SLC35E2B: variants seen among roughly 807,000 people sequenced by gnomAD.
SLC35E2B encodes solute carrier family 35, member E2B.
A neutral mutation model predicts 32.4 loss-of-function variants in SLC35E2B; 18 were observed. The observed-to-expected ratio is 0.56, with a 90% CI of 0.38 to 0.82. The LOEUF is 0.82. Ranked by LOEUF, SLC35E2B falls within the 40% of genes least tolerant of loss-of-function variation. The pLI is 0.00. For synonymous variants in SLC35E2B, 132 were observed against 209.1 expected, an observed-to-expected ratio of 0.63 and a Z score of 3.18; for missense variants, 263 against 469.5, an observed-to-expected ratio of 0.56 and a Z score of 4.06.
intron 2 of SLC35E2B, among the ~76,000 whole-genome samples, chr1:1,678,880 C>G (rs1314814170): frequency 1.3e-5 from 2 of 152,310 alleles, no homozygotes; most frequent in South Asian, 2.1e-4. Flanking sequence ...CTGATGGGCC[C>G]TGGCTGGGGG....
At chr1:1,666,598 C>A (rs984902624) in intron 9 of SLC35E2B, among the ~76,000 whole-genome samples, 2 of 152,214 alleles carry the variant, frequency 1.3e-5, no homozygotes, top group Non-Finnish European at 1.5e-5. Flanking sequence ...CTCTAAAGAA[C>A]AAGAACATCA....
intron 9 of SLC35E2B, among the ~76,000 whole-genome samples, 158 bp from the exon 10 acceptor site, chr1:1,666,177 C>T (rs367570937): frequency 2.0e-5 from 3 of 151,662 alleles, no homozygotes; most frequent in East Asian, 3.9e-4. Context: ...CGGCTGACCC[C>T]GGGTCTGGAG....
Position 1,666,024 on chromosome 1 carries a change from G to A in SLC35E2B, c.981-5C>T, listed in dbSNP as rs748576499. On this transcript the variant is annotated splice_polypyrimidine_tract_variant and splice_region_variant and intron_variant, in intron 9 of 9. Coordinates refer to ENST00000617444, the MANE Select transcript of SLC35E2B (RefSeq NM_001290264.2). The stretch of plus-strand genomic sequence containing the variant: ...TGTTTCACGGTGCTGGCGACGCTGC[G>A]GAGGCAAGGGGAGGCAGCAGGGGCG... 1.4e-5 allele frequency: 22 copies of A among 1,547,946 alleles called. No homozygotes were observed. The highest frequency in any genetic ancestry group is 4.9e-5 in the East Asian group (2 of 40,862).
intron 5 of SLC35E2B, chr1:1,671,910 C>T: frequency 3.6e-6 from 1 of 275,606 alleles, no homozygotes; most frequent in East Asian, 6.6e-5. Flanking sequence ...CAGAAACCTT[C>T]CTGATTCTGT....
chr1:1,681,556 G>C (rs769010331), intron 2 of SLC35E2B, among the ~76,000 whole-genome samples: 24 of 150,264 alleles, frequency 1.6e-4, no homozygotes, highest in Non-Finnish European at 3.3e-4. Context: ...GCCCAGGCTA[G>C]AGTGCAGTGG....
intron 2 of SLC35E2B, among the ~76,000 whole-genome samples, chr1:1,688,351 C>G (rs1487629551): frequency 1.3e-5 from 2 of 152,028 alleles, no homozygotes; most frequent in Non-Finnish European, 2.9e-5. Flanking sequence ...TCACACCTGC[C>G]ATCCCAGCAC....
chr1:1,687,130 G>C (rs759973416), intron 2 of SLC35E2B, among the ~76,000 whole-genome samples: 1 of 152,160 alleles, frequency 6.6e-6, no homozygotes, highest in Non-Finnish European at 1.5e-5. Context: ...GGCCTGTGAG[G>C]GTGCTGTCGG....
intron 2 of SLC35E2B, among the ~76,000 whole-genome samples, chr1:1,687,619 C>T (rs1309599514): frequency 3.9e-5 from 6 of 151,910 alleles, no homozygotes; most frequent in Admixed American, 3.9e-4. Flanking sequence ...CCTGTAGTCC[C>T]AGCTACTTGG....
intron 9 of SLC35E2B, among the ~76,000 whole-genome samples, chr1:1,666,354 G>A (rs557365999): frequency 8.5e-5 from 13 of 152,266 alleles, no homozygotes; most frequent in South Asian, 2.1e-4. Flanking sequence ...TAACGGCCAC[G>A]TCCTGTGATC....
At chr1:1,670,835 C>T (rs1224809156) in intron 6 of SLC35E2B, 1 of 152,180 alleles carries the variant, frequency 6.6e-6, no homozygotes, top group Non-Finnish European at 1.5e-5. Context: ...TTTCTTTCCT[C>T]AAAAGCAGGA....
Position 1,675,465 on chromosome 1 carries a change from G to A in SLC35E2B, c.584C>T (p.Thr195Ile), listed in dbSNP as rs1643820501. 1 of 1,611,682 alleles carries A rather than the reference G, an allele frequency of 6.2e-7. No homozygotes were observed. Among genetic ancestry groups the A allele is most frequent in the Non-Finnish European group, 8.5e-7 (1 of 1,179,282 alleles). Reference protein sequence around the residue: ...IMSRMILGEYTGLLVNLSLIP... With the variant: ...IMSRMILGEYIGLLVNLSLIP... ...GGGGCGGGGCCCGGGGGCCTCACCT[G>A]TGTACTCCCCCAGAATCATCCGAGA... Residue 195 changes from threonine (T) to isoleucine (I), a missense_variant and splice_region_variant, in exon 5 of 10, where the codon ACA becomes ATA. Transcript: ENST00000617444.
At position 1,663,816 on chromosome 1, in the gene SLC35E2B, G is replaced by T. The variant is rs1181349014; in HGVS notation, c.*1966C>A. The T allele has an allele frequency of 1.1e-6, 1 of 912,352 alleles. No homozygotes were observed. The highest frequency in any genetic ancestry group is 1.3e-6 in the Non-Finnish European group (1 of 763,378). 56.5% of individuals were successfully genotyped at this position (912,352 alleles called of 1,614,324 possible). The stretch of plus-strand genomic sequence containing the variant: ...CAGAAAAAAAGAAATGGAAATCCGG[G>T]GAAAGTCACGTGACAAAACATCTTC... On this transcript the variant is annotated 3_prime_UTR_variant, in exon 10 of 10. Transcript: ENST00000617444.
rs1557745643 is a variant in SLC35E2B at position 1,663,433 on chromosome 1, C to G, written c.*2349G>C. ...CTGGGAGTTGCTTTCAATCTGTCCT[C>G]ACAAATCAACAACTCCCCGCCACCT... On this transcript the variant is annotated 3_prime_UTR_variant, in exon 10 of 10. Transcript: ENST00000617444. 1 of 951,088 alleles carries G rather than the reference C, an allele frequency of 1.1e-6. No individual in the cohort carries two copies. Among genetic ancestry groups the G allele is most frequent in the African/African-American group, 1.8e-5 (1 of 56,912 alleles). 58.9% of individuals were successfully genotyped at this position (951,088 alleles called of 1,614,324 possible).
In SLC35E2B at chr1:1,663,005, C is replaced by A; in HGVS notation, c.*2777G>T. On this transcript the variant is annotated 3_prime_UTR_variant, in exon 10 of 10. Transcript: ENST00000617444. ...TTTTGCCTCTTGGTGCCCGGCTGTG[C>A]TGGGAATGCCATGAAGACCAGCGGC... The A allele has an allele frequency of 1.1e-6, 1 of 947,680 alleles. No homozygotes were observed. Among genetic ancestry groups the A allele is most frequent in the Non-Finnish European group, 1.3e-6 (1 of 795,708 alleles). The allele number at this position is 947,680 out of a possible 1,614,324, so 58.7% of individuals were successfully genotyped here.
intron 7 of SLC35E2B, 129 bp downstream of exon 7, chr1:1,669,969 G>A (rs1225988469): frequency 2.1e-6 from 2 of 931,914 alleles, no homozygotes; most frequent in Non-Finnish European, 3.4e-6. Context: ...GCTTAGACAG[G>A]GTACTTGTAA....
At chr1:1,671,226 C>G in intron 6 of SLC35E2B, 1 of 242,826 alleles carries the variant, frequency 4.1e-6, no homozygotes, top group Non-Finnish European at 7.9e-6. Context: ...CCGAGCGAGA[C>G]ACACTGCTGA....
chr1:1,666,124 G>A (rs949695403), intron 9 of SLC35E2B, 105 bp from the exon 10 acceptor site: 5 of 1,327,664 alleles, frequency 3.8e-6, no homozygotes, highest in Non-Finnish European at 5.1e-6. Context: ...GTGGGGTTGG[G>A]GGACTCAGCG....
rs949793801 is a variant in SLC35E2B at position 1,670,223 on chromosome 1, G to A, written c.708-72C>T. On this transcript the variant is annotated intron_variant, in intron 6 of 9. Coordinates refer to ENST00000617444, the MANE Select transcript of SLC35E2B (RefSeq NM_001290264.2). ...GGAACATCAGGGGGAGAAGGTGTCT[G>A]CGCTCACACGGAGCGATGGCGACAA... 16 of 1,126,030 alleles carry A rather than the reference G, an allele frequency of 1.4e-5. No individual in the cohort carries two copies. The African/African-American group carries it at 2.2e-4, about 15-fold the overall frequency. The allele number at this position is 1,126,030 out of a possible 1,614,324, so 69.8% of individuals were successfully genotyped here.
chr1:1,663,731 A>T lies in SLC35E2B; in HGVS notation c.*2051T>A. ...TGATCCGCCAGCTGCTGCCTCCCAA[A>T]GTGCTGCGATTAGAGGCGTGAGCCA... On this transcript the variant is annotated 3_prime_UTR_variant, in exon 10 of 10. Transcript: ENST00000617444. 1.7e-6 allele frequency: 1 copy of T among 583,444 alleles called. No individual in the cohort carries two copies. The highest frequency in any genetic ancestry group is 2.2e-6 in the Non-Finnish European group (1 of 457,770). The allele number at this position is 583,444 out of a possible 1,614,324, so 36.1% of individuals were successfully genotyped here.
Sources: gnomAD v4.1 joint callset for allele counts (sites outside exome capture counted in the v4.1 genomes callset) on GRCh38, gnomAD v4.1.1 for gene constraint, MANE v1.5 for transcripts, NCBI Gene and HGNC (gene_info 2026-07-23, HGNC 2026-07-21) for gene names.